Variants in UBXN4 observed in about 807,000 individuals in gnomAD.
UBXN4 encodes the protein UBX domain protein 4.
UBXN4 carries 35 observed loss-of-function variants against 66.2 expected under a neutral mutation model. The observed-to-expected ratio is 0.53, with a 90% CI of 0.40 to 0.70. UBXN4 has a LOEUF of 0.70. UBXN4 is among the 30% of genes least tolerant of loss of function. UBXN4 has a pLI of 0.00. For missense variants in UBXN4, 533 were observed against 599.8 expected (o/e 0.89, Z 1.16); for synonymous variants, 203 against 204.5 (o/e 0.99, Z 0.06).
chr2:135,778,863 G>GGA, intron 10 of UBXN4, 85 bp from the exon 11 acceptor site: 1 of 1,354,166 alleles, frequency 7.4e-7, no homozygotes, highest in Non-Finnish European at 9.8e-7. Context: ...TTAAGGCAAT[G>GGA]TTAATTAAAG....
intron 1 of UBXN4, chr2:135,747,737 C>T (rs181955957): frequency 4.4e-6 from 2 of 455,440 alleles, no homozygotes; most frequent in African/African-American, 2.0e-5. Flanking sequence ...CGAGTGCAAG[C>T]AATTCTCCTG....
At chr2:135,763,188 G>A (rs1393586342) in intron 6 of UBXN4, among the ~76,000 whole-genome samples, 1 of 152,162 alleles carries the variant, frequency 6.6e-6, no homozygotes, top group African/African-American at 2.4e-5. Context: ...ACCAGCGTAT[G>A]TAATATTCCC....
chr2:135,780,145 A>G (rs1237689495), intron 11 of UBXN4, 38 bp from the exon 12 acceptor site: 2 of 1,598,126 alleles, frequency 1.3e-6, no homozygotes, highest in South Asian at 1.1e-5. Context: ...TGATTGTGCT[A>G]ACGTAGTCTT....
At chr2:135,780,839 G>T (rs1459269408) in intron 12 of UBXN4, among the ~76,000 whole-genome samples, 2 of 152,172 alleles carry the variant, frequency 1.3e-5, no homozygotes, top group African/African-American at 4.8e-5. Context: ...TGACAGCCTT[G>T]TCTGGATCAT....
At position 135,761,882 on chromosome 2, in the gene UBXN4, T is replaced by C. The variant is rs1472345045; in HGVS notation, c.573T>C (p.Pro191=). Residue 191 remains proline (P), a synonymous_variant, in exon 6 of 13, where the codon CCT becomes CCC. Transcript: ENST00000272638. ...QEPSGCSDQR[P]AEDLNIRVER... is the part of the protein sequence containing the mutation. Reference sequence around the variant, plus strand: ...CTAGTGGATGCTCAGATCAGAGACCTGCAGAGGACCTCAACATCCGAGTGG... The same window carrying C: ...CTAGTGGATGCTCAGATCAGAGACCCGCAGAGGACCTCAACATCCGAGTGG... The C allele has an allele frequency of 1.2e-6, 2 of 1,613,626 alleles. No individual in the cohort carries two copies. Among genetic ancestry groups the C allele is most frequent in the South Asian group, 2.2e-5 (2 of 90,896 alleles).
intron 8 of UBXN4, among the ~76,000 whole-genome samples, chr2:135,771,481 A>G (rs2077383178): frequency 6.6e-6 from 1 of 152,136 alleles, no homozygotes; most frequent in African/African-American, 2.4e-5. Flanking sequence ...CCATCTCAAA[A>G]AAAAGAAAGA....
In UBXN4 at chr2:135,761,851, A is replaced by G. The variant is rs367715818; in HGVS notation, c.542A>G (p.Gln181Arg). Reference protein sequence around the residue: ...GESAGHATSSQEPSGCSDQRP... With the variant: ...GESAGHATSSREPSGCSDQRP... ...AGTGCAGGCCATGCCACTTCCTCTCAGGAGCCTAGTGGATGCTCAGATCAG... is the reference window on the plus strand; with the variant it reads ...AGTGCAGGCCATGCCACTTCCTCTCGGGAGCCTAGTGGATGCTCAGATCAG... The change falls in exon 6 of 13, where the codon CAG becomes CGG. Residue 181 changes from glutamine (Q) to arginine (R), a missense_variant. Physicochemically the swap from Gln to Arg is conservative, Grantham distance 43. This residue lies in a region of UBXN4 where 529 missense variants were observed against 580.1 expected (regional missense o/e 0.91). Transcript: ENST00000272638. The G allele has an allele frequency of 3.2e-5, 51 of 1,613,536 alleles. 1 individual carries two copies. In the African/African-American group the frequency reaches 4.5e-4, roughly 14 times the overall value.
intron 11 of UBXN4, among the ~76,000 whole-genome samples, 198 bp from the exon 12 acceptor site, chr2:135,779,985 A>G (rs1179347275): frequency 1.3e-5 from 2 of 150,396 alleles, no homozygotes; most frequent in South Asian, 4.1e-4. Context: ...AATATTGTAT[A>G]TTTATCTTTA....
Position 135,741,949 on chromosome 2 carries a change from C to T in UBXN4, c.20C>T (p.Ala7Val). The change falls in exon 1 of 13, where the codon GCC becomes GTC. Residue 7 changes from alanine (A) to valine (V), a missense_variant. Transcript: ENST00000272638. MLWFQG[A>V]IPAAIATAKR... ...GGAGCGATGCTGTGGTTCCAGGGCG[C>T]CATTCCGGCCGCCATCGCGACGGCC... 1 of 1,613,116 alleles carries T rather than the reference C, an allele frequency of 6.2e-7. No individual in the cohort carries two copies. Among genetic ancestry groups the T allele is most frequent in the Non-Finnish European group, 8.5e-7 (1 of 1,179,602 alleles).
In UBXN4 at chr2:135,776,293, T is replaced by G. The variant is rs2077414304; in HGVS notation, c.995T>G (p.Phe332Cys). 6.2e-7 allele frequency: 1 copy of G among 1,614,012 alleles called. No individual in the cohort carries two copies. The highest frequency in any genetic ancestry group is 8.5e-7 in the Non-Finnish European group (1 of 1,179,996). ...IQFRLPDGSS[F>C]TNQFPSDAPL... ...TTCCGTCTTCCTGATGGTTCTTCCTTTACAAATCAGTTCCCTTCTGATGCT... is the reference window on the plus strand; with the variant it reads ...TTCCGTCTTCCTGATGGTTCTTCCTGTACAAATCAGTTCCCTTCTGATGCT... Residue 332 changes from phenylalanine to cysteine, a missense_variant, in exon 10 of 13, where the codon TTT (phenylalanine) becomes TGT (cysteine). By Grantham distance (205) the Phe-to-Cys change is radical. Coordinates refer to ENST00000272638, the MANE Select transcript of UBXN4 (RefSeq NM_014607.4).
intron 1 of UBXN4, chr2:135,747,894 T>G (rs115484261): frequency 3.5e-4 from 118 of 334,938 alleles, no homozygotes; most frequent in African/African-American, 2.2e-3. Context: ...GTGCTGAGAT[T>G]ATAGGCGTGA....
At chr2:135,753,599 A>G in intron 3 of UBXN4, 32 bp downstream of exon 3, 4 of 1,472,630 alleles carry the variant, frequency 2.7e-6, no homozygotes, top group Non-Finnish European at 3.6e-6. Context: ...GCTTATATAT[A>G]TACATTTATT....
At chr2:135,766,196 ACAGT>A (rs1007740769) in intron 6 of UBXN4, among the ~76,000 whole-genome samples, 18 of 152,086 alleles carry the variant, frequency 1.2e-4, no homozygotes, top group Non-Finnish European at 2.1e-4. Context: ...AAGTTATGGA[ACAGT>A]CAATTTGTTA....
intron 7 of UBXN4, 71 bp from the exon 8 acceptor site, chr2:135,770,500 C>T (rs560390528): frequency 1.9e-5 from 20 of 1,073,802 alleles, no homozygotes; most frequent in African/African-American, 8.2e-5. Context: ...CTGCAGTTTT[C>T]GTTGCATTCA....
At chr2:135,772,096 G>A (rs1202786198) in intron 8 of UBXN4, among the ~76,000 whole-genome samples, 1 of 152,142 alleles carries the variant, frequency 6.6e-6, no homozygotes, top group Non-Finnish European at 1.5e-5. Flanking sequence ...GAGGTGGGAG[G>A]ATTGCTTGAA....
chr2:135,770,538 T>A, intron 7 of UBXN4, 33 bp from the exon 8 acceptor site: 16 of 1,352,306 alleles, frequency 1.2e-5, no homozygotes, highest in Non-Finnish European at 1.6e-5. Context: ...GATTATCAAG[T>A]TTTTGGATCA....
intron 8 of UBXN4, among the ~76,000 whole-genome samples, chr2:135,771,350 G>A (rs1281546397): frequency 1.3e-5 from 2 of 151,932 alleles, no homozygotes; most frequent in South Asian, 4.1e-4. Flanking sequence ...GGTGGTGGGC[G>A]CCTATAATCC....
chr2:135,750,911 A>G (rs2105493065), intron 2 of UBXN4, among the ~76,000 whole-genome samples: 1 of 123,628 alleles, frequency 8.1e-6, no homozygotes, highest in African/African-American at 3.2e-5. Flanking sequence ...GCTGGAGTGC[A>G]GTGGCGTGAT....
intron 1 of UBXN4, 30 bp from the exon 2 acceptor site, chr2:135,748,237 T>A: frequency 1.3e-6 from 2 of 1,506,640 alleles, no homozygotes; most frequent in Non-Finnish European, 8.9e-7. Context: ...GATCCCAGCC[T>A]GGTATAAGAA....
Sources: allele counts gnomAD v4.1 joint callset (sites outside exome capture counted in the v4.1 genomes callset), GRCh38; gene constraint gnomAD v4.1.1; regional missense constraint gnomAD v4.1.1; transcripts MANE v1.5; gene names NCBI Gene and HGNC (gene_info 2026-07-23, HGNC 2026-07-21).